KIF21B: variants seen among roughly 807,000 people sequenced by gnomAD.
KIF21B encodes the protein kinesin family member 21B, also known as kinesin-like protein KIF21B.
In KIF21B, 85 loss-of-function variants were observed where a neutral mutation model predicts 192.9. The observed-to-expected ratio is 0.44, with a 90% confidence interval of 0.37 to 0.53. KIF21B has a LOEUF of 0.53. KIF21B is among the 20% of genes least tolerant of loss of function. The pLI is 0.00. For synonymous variants in KIF21B, 832 were observed against 884.6 expected (o/e 0.94, Z 1.05); for missense variants, 1,716 against 2,194.8 (o/e 0.78, Z 4.36).
intron 27 of KIF21B, 32 bp downstream of exon 27, chr1:200,984,826 GC>G: frequency 6.9e-7 from 1 of 1,459,472 alleles, no homozygotes; most frequent in Non-Finnish European, 9.2e-7. Flanking sequence ...CCACCTCAGT[GC>G]CCTCCCCCAC....
Position 201,009,237 on chromosome 1 carries a change from C to T in KIF21B, c.264+29G>A, listed in dbSNP as rs200078750. 31 of 1,598,102 alleles carry T rather than the reference C, an allele frequency of 1.9e-5. No homozygotes were observed. In the African/African-American group the frequency reaches 2.5e-4, roughly 13 times the overall value. ...GATGCAGGGAGACCAAGGCTGGAGC[C>T]GCCATAGGTGGGCGTGAAGATGGCT... On this transcript the variant is annotated intron_variant, in intron 2 of 34. Coordinates refer to ENST00000461742, the MANE Select transcript of KIF21B (RefSeq NM_001252102.2).
In KIF21B at chr1:201,005,623, G is replaced by A; in HGVS notation, c.519C>T (p.Asn173=). 3.1e-6 allele frequency: 5 copies of A among 1,614,212 alleles called. No homozygotes were observed. Among genetic ancestry groups the A allele is most frequent in the Non-Finnish European group, 4.2e-6 (5 of 1,180,038 alleles). The change falls in exon 4 of 35, where the codon AAC becomes AAT. Residue 173 remains asparagine, a synonymous_variant. Transcript: ENST00000461742. ...CGTTTGCGTCCTCGTGGATCTTGATGTTGGACCTGCGGTGGCGGGTGTCAG... is the reference window on the plus strand; with the variant it reads ...CGTTTGCGTCCTCGTGGATCTTGATATTGGACCTGCGGTGGCGGGTGTCAG... ...RDPDTRHRRS[N]IKIHEDANGG...
At position 200,981,036 on chromosome 1, in the gene KIF21B, G is replaced by C; in HGVS notation, c.3903C>G (p.Val1301=). The C allele has an allele frequency of 6.2e-7, 1 of 1,610,238 alleles. No individual in the cohort carries two copies. Among genetic ancestry groups the C allele is most frequent in the Non-Finnish European group, 8.5e-7 (1 of 1,178,550 alleles). ...KGARTAPLQC[V]SMAEGHTKPI... Reference sequence around the variant, plus strand: ...GCTTGGTGTGGCCTTCGGCCATGGAGACACACTGCAGTGGGGCCGTCCGTG... The same window carrying C: ...GCTTGGTGTGGCCTTCGGCCATGGACACACACTGCAGTGGGGCCGTCCGTG... Residue 1301 remains valine (V), a synonymous_variant, in exon 29 of 35, where the codon GTC becomes GTG. Coordinates refer to ENST00000461742, the MANE Select transcript of KIF21B (RefSeq NM_001252102.2).
At position 200,991,678 on chromosome 1, in the gene KIF21B, G is replaced by A; in HGVS notation, c.2433C>T (p.Val811=). ...TCACCTCCTGGGTCTTCCTCCTCAG[G>A]ACCATCTCCTGCTGCCGCTTCTGGG... ...LESQKRQQEM[V]LRRKTQEVSA... Residue 811 remains valine, a synonymous_variant, in exon 17 of 35, where the codon GTC becomes GTT. Transcript: ENST00000461742. 1 of 1,614,114 alleles carries A rather than the reference G, an allele frequency of 6.2e-7. No homozygotes were observed. The highest frequency in any genetic ancestry group is 8.5e-7 in the Non-Finnish European group (1 of 1,180,036).
Position 201,023,462 on chromosome 1 carries a change from G to GCCT in KIF21B, c.-80_-79insAGG. 9.0e-7 allele frequency: 1 copy of GCCT among 1,109,548 alleles called. No individual in the cohort carries two copies. Among genetic ancestry groups the GCCT allele is most frequent in the Non-Finnish European group, 1.2e-6 (1 of 863,800 alleles). 68.7% of individuals were successfully genotyped at this position (1,109,548 alleles called of 1,614,324 possible). On this transcript the variant is annotated 5_prime_UTR_variant, in exon 1 of 35. Coordinates refer to ENST00000461742, the MANE Select transcript of KIF21B (RefSeq NM_001252102.2). The surrounding 1 kb of genome is among the most constrained non-coding windows in gnomAD (Gnocchi z 5.9). ...AATGCCCGAGGCAGCGGCTGCGGCT[G>GCCT]CGGGAGGCGGGGGCGCGGGCGCGGC... is the stretch of plus-strand genomic sequence containing the variant.
At position 200,973,380 on chromosome 1, in the gene KIF21B, G is replaced by A. The variant is rs1655324990; in HGVS notation, c.*141C>T. The A allele has an allele frequency of 2.8e-6, 3 of 1,079,542 alleles. No homozygotes were observed. Among genetic ancestry groups the A allele is most frequent in the South Asian group, 4.4e-5 (2 of 45,492 alleles). The allele number at this position is 1,079,542 out of a possible 1,614,324, so 66.9% of individuals were successfully genotyped here. On this transcript the variant is annotated 3_prime_UTR_variant, in exon 35 of 35. Transcript: ENST00000461742. ...GAACAGTGTCCTGTGGGAAGGCCAA[G>A]GGAGAGGGAGGAGGGCAGGAGAGGG...
intron 28 of KIF21B, among the ~76,000 whole-genome samples, chr1:200,981,618 A>G (rs144866979): frequency 6.6e-5 from 10 of 152,316 alleles, no homozygotes; most frequent in African/African-American, 2.4e-4. Flanking sequence ...TTCTGCTGGT[A>G]ACTGCCTCTG....
chr1:200,991,805 G>A (rs1404714038), intron 16 of KIF21B, 80 bp from the exon 17 acceptor site: 2 of 1,425,730 alleles, frequency 1.4e-6, no homozygotes, highest in African/African-American at 1.4e-5. Context: ...GGCTAGCCCT[G>A]TAGTTGAAAG....
intron 9 of KIF21B, chr1:201,001,900 G>A (rs1044448023): frequency 1.8e-5 from 9 of 509,092 alleles, no homozygotes; most frequent in African/African-American, 1.5e-4. Context: ...AGGGCTTGGG[G>A]TGGAGGGTTC....
chr1:201,000,064 G>A lies in KIF21B; in HGVS notation c.1686-100C>T. 2 of 1,063,800 alleles carry A rather than the reference G, an allele frequency of 1.9e-6. No individual in the cohort carries two copies. Among genetic ancestry groups the A allele is most frequent in the Non-Finnish European group, 2.9e-6 (2 of 697,322 alleles). The allele number at this position is 1,063,800 out of a possible 1,614,324, so 65.9% of individuals were successfully genotyped here. On this transcript the variant is annotated intron_variant, in intron 11 of 34. Coordinates refer to ENST00000461742, the MANE Select transcript of KIF21B (RefSeq NM_001252102.2). The surrounding 1 kb of genome is among the most constrained non-coding windows in gnomAD (Gnocchi z 6.0). Reference sequence around the variant, plus strand: ...CGGCAGAAAAGGAAGGCTCTCACCAGAGGCCGGGGAGAGCACTGGCTCCTA... The same window carrying A: ...CGGCAGAAAAGGAAGGCTCTCACCAAAGGCCGGGGAGAGCACTGGCTCCTA...
intron 14 of KIF21B, 95 bp from the exon 15 acceptor site, chr1:200,996,490 C>CCACTAAATACAGGGTCATCAAGGGGG: frequency 9.0e-7 from 1 of 1,114,872 alleles, no homozygotes; most frequent in Non-Finnish European, 1.3e-6. Flanking sequence ...CCCTCTGTTC[C>CCACTAAATACAGGGTCATCAAGGGGG]AGTCTCATTG....
chr1:200,975,709 G>A lies in KIF21B; in HGVS notation c.4444-40C>T. ...GCCAGTAGGGAGAGGCCAAGTGGGA[G>A]GATGGAAGGCAGGGCCTACAGCACT... On this transcript the variant is annotated intron_variant, in intron 32 of 34. Transcript: ENST00000461742. The surrounding 1 kb of genome is among the most constrained non-coding windows in gnomAD (Gnocchi z 4.3). 6.4e-7 allele frequency: 1 copy of A among 1,570,204 alleles called. No homozygotes were observed. The highest frequency in any genetic ancestry group is 1.7e-5 in the Admixed American group (1 of 57,540).
At position 201,000,427 on chromosome 1, in the gene KIF21B, G is replaced by A. The variant is rs1294401570; in HGVS notation, c.1648C>T (p.Arg550Trp). Residue 550 changes from arginine (R) to tryptophan (W), a missense_variant, in exon 11 of 35, where the codon CGG (arginine) becomes TGG (tryptophan). By Grantham distance (101) the Arg-to-Trp change is moderately radical. Coordinates refer to ENST00000461742, the MANE Select transcript of KIF21B (RefSeq NM_001252102.2). The surrounding 1 kb of genome is among the most constrained non-coding windows in gnomAD (Gnocchi z 6.0). Reference sequence around the variant, plus strand: ...TGCCTGACCTCCTTCTTCTTTAGCCGCTCCAGGTCCTGCTTGGCCCTGCGG... The same window carrying A: ...TGCCTGACCTCCTTCTTCTTTAGCCACTCCAGGTCCTGCTTGGCCCTGCGG... The part of the protein sequence containing the change: ...VIRRAKQDLE[R>W]LKKKEVRQRR... 13 of 1,565,104 alleles carry A rather than the reference G, an allele frequency of 8.3e-6. No homozygotes were observed. The highest frequency in any genetic ancestry group is 5.5e-5 in the African/African-American group (4 of 72,526).
At chr1:200,992,985 G>T (rs1656803045) in intron 15 of KIF21B, among the ~76,000 whole-genome samples, 1 of 152,212 alleles carries the variant, frequency 6.6e-6, no homozygotes, top group South Asian at 2.1e-4. Context: ...CATAAAACTA[G>T]TAATGGATGG....
chr1:200,991,164 A>G lies in KIF21B; in HGVS notation c.2455-15T>C. 1 of 1,607,478 alleles carries G rather than the reference A, an allele frequency of 6.2e-7. No individual in the cohort carries two copies. The highest frequency in any genetic ancestry group is 8.5e-7 in the Non-Finnish European group (1 of 1,175,938). Reference sequence around the variant, plus strand: ...AGTGCAGAAACCTGGGGCAGCAGGGAGAAAAGAGGGAGCCGGTGAGCAGGG... The same window carrying G: ...AGTGCAGAAACCTGGGGCAGCAGGGGGAAAAGAGGGAGCCGGTGAGCAGGG... On this transcript the variant is annotated splice_polypyrimidine_tract_variant and intron_variant, in intron 17 of 34. Transcript: ENST00000461742.
rs540755892 is a variant in KIF21B at position 200,979,177 on chromosome 1, G to GCCTACACAGGCAGTGGCCA, written c.4160+339_4160+357dup. Among the ~76,000 whole-genome samples, 330 of 152,300 alleles carry GCCTACACAGGCAGTGGCCA rather than the reference G, an allele frequency of 2.2e-3. 2 individuals are homozygous for GCCTACACAGGCAGTGGCCA. Among genetic ancestry groups the GCCTACACAGGCAGTGGCCA allele is most frequent in the African/African-American group, 7.6e-3 (316 of 41,564 alleles). ...GGCTCAGGGCCATGACTGGGTGGTC[G>GCCTACACAGGCAGTGGCCA]CCTACACAGGCAGTGGCCAGCATGG... On this transcript the variant is annotated intron_variant, in intron 30 of 34. Transcript: ENST00000461742.
chr1:200,994,356 G>A (rs892195876), intron 15 of KIF21B, among the ~76,000 whole-genome samples: 1 of 152,242 alleles, frequency 6.6e-6, no homozygotes, highest in African/African-American at 2.4e-5. Context: ...AGCCATGGGA[G>A]GATTCTGGGG....
At chr1:201,006,334 C>G (rs1029690389) in intron 3 of KIF21B, among the ~76,000 whole-genome samples, 4 of 152,156 alleles carry the variant, frequency 2.6e-5, no homozygotes, top group African/African-American at 9.7e-5. Context: ...CAAGGAGATT[C>G]CTGTGTTTGG....
At chr1:200,978,928 G>A (rs1655737315) in intron 30 of KIF21B, among the ~76,000 whole-genome samples, 1 of 152,120 alleles carries the variant, frequency 6.6e-6, no homozygotes, top group Admixed American at 6.5e-5. Flanking sequence ...GGTCTCAAGT[G>A]ATCCTCCTGC....
Sources: gnomAD v4.1 joint callset for allele counts (sites outside exome capture counted in the v4.1 genomes callset) on GRCh38, gnomAD v4.1.1 for gene constraint, Gnocchi (gnomAD v3.1) non-coding constraint, MANE v1.5 for transcripts, NCBI Gene and HGNC (gene_info 2026-07-23, HGNC 2026-07-21) for gene names.